Variants in LUM observed in about 807,000 individuals in gnomAD.
The protein encoded by LUM is KSPG lumican.
LUM carries 13 observed loss-of-function variants against 20.5 expected under a neutral mutation model. The ratio of observed to expected loss-of-function variants is 0.63; its 90% CI spans 0.41 to 1.01. LUM has a LOEUF of 1.01. LUM is among the 50% of genes least tolerant of loss of function. The pLI is 0.00. For synonymous variants in LUM, 173 were observed against 151.5 expected, an observed-to-expected ratio of 1.14 and a Z score of -1.04; for missense variants, 321 against 391.1, an observed-to-expected ratio of 0.82 and a Z score of 1.51.
At chr12:91,107,493 T>A (rs1880107909) in intron 2 of LUM, among the ~76,000 whole-genome samples, 1 of 152,008 alleles carries the variant, frequency 6.6e-6, no homozygotes, top group South Asian at 2.1e-4. Context: ...AAAAAATAAA[T>A]GTAGGACACA....
intron 2 of LUM, among the ~76,000 whole-genome samples, chr12:91,107,177 G>A (rs1336140617): frequency 4.3e-5 from 4 of 93,764 alleles, no homozygotes. Flanking sequence ...GAAAGAAAAC[G>A]AAAGAAAGAA....
chr12:91,104,379 C>A (rs1326185071), intron 2 of LUM, 60 bp from the exon 3 acceptor site: 2 of 1,182,142 alleles, frequency 1.7e-6, no homozygotes, highest in Non-Finnish European at 1.2e-6. Context: ...CAAAACAATA[C>A]AAAAAATTTA....
chr12:91,108,012 C>A lies in LUM; in HGVS notation c.862+106G>T. 7.6e-7 allele frequency: 1 copy of A among 1,322,584 alleles called. No individual in the cohort carries two copies. The allele number at this position is 1,322,584 out of a possible 1,614,324, so 81.9% of individuals were successfully genotyped here. ...ACAGGAATGAGCCACAGCGCCCGGGCGACATTTTGTTTTTTTAATGGAGCC... is the reference window on the plus strand; with the variant it reads ...ACAGGAATGAGCCACAGCGCCCGGGAGACATTTTGTTTTTTTAATGGAGCC... On this transcript the variant is annotated intron_variant, in intron 2 of 2. Coordinates refer to ENST00000266718, the MANE Select transcript of LUM (RefSeq NM_002345.4). The surrounding 1 kb of genome is among the most constrained non-coding windows in gnomAD (Gnocchi z 4.2).
rs1879970123 is a variant in LUM, at chr12:91,103,990, T to C, written c.*175A>G. The C allele has an allele frequency of 1.8e-6, 1 of 555,372 alleles. No homozygotes were observed. Among genetic ancestry groups the C allele is most frequent in the African/African-American group, 1.9e-5 (1 of 53,142 alleles). 34.4% of individuals were successfully genotyped at this position (555,372 alleles called of 1,614,324 possible). A position where few individuals can be genotyped will look rare whatever the true frequency, so the allele number is the denominator to read the frequency against. ...TCTATTCGTGTATATGTGTGTGTTC[T>C]TGTGATGAAATAGGCCTGCCTTTCA... On this transcript the variant is annotated 3_prime_UTR_variant, in exon 3 of 3. Coordinates refer to ENST00000266718, the MANE Select transcript of LUM (RefSeq NM_002345.4).
Position 91,104,285 on chromosome 12 carries a change from C to T in LUM, c.897G>A (p.Gly299=). The change falls in exon 3 of 3, where the codon GGG becomes GGA. Residue 299 remains glycine (G), a synonymous_variant. Coordinates refer to ENST00000266718, the MANE Select transcript of LUM (RefSeq NM_002345.4). ...FDIKSFCKIL[G]PLSYSKIKHL... Reference sequence around the variant, plus strand: ...GCTTGATCTTGGAGTAGGATAATGGCCCCAGGATCTTGCAGAAGCTCTTTA... The same window carrying T: ...GCTTGATCTTGGAGTAGGATAATGGTCCCAGGATCTTGCAGAAGCTCTTTA... 1 of 1,611,896 alleles carries T rather than the reference C, an allele frequency of 6.2e-7. No individual in the cohort carries two copies. Among genetic ancestry groups the T allele is most frequent in the East Asian group, 2.2e-5 (1 of 44,774 alleles).
In LUM at chr12:91,103,950, G is replaced by A. The variant is rs1046884399; in HGVS notation, c.*215C>T. 21 of 400,626 alleles carry A rather than the reference G, an allele frequency of 5.2e-5. No homozygotes were observed. The highest frequency in any genetic ancestry group is 4.2e-4 in the African/African-American group (20 of 48,076). 24.8% of individuals were successfully genotyped at this position (400,626 alleles called of 1,614,324 possible). A position where few individuals can be genotyped will look rare whatever the true frequency, so the allele number is the denominator to read the frequency against. Reference sequence around the variant, plus strand: ...AAAAAACACTAAATTTACAAATAAAGCATTGAGTTTGATGTCTATTCGTGT... The same window carrying A: ...AAAAAACACTAAATTTACAAATAAAACATTGAGTTTGATGTCTATTCGTGT... On this transcript the variant is annotated 3_prime_UTR_variant, in exon 3 of 3. Transcript: ENST00000266718.
chr12:91,107,287 G>GAA (rs1426004605), intron 2 of LUM, among the ~76,000 whole-genome samples: 1,799 of 60,270 alleles, frequency 0.03, 24 homozygotes, highest in African/African-American at 0.042. Flanking sequence ...AAGAAAGAAA[G>GAA]AGAAAGAAAG....
intron 2 of LUM, among the ~76,000 whole-genome samples, chr12:91,104,683 A>G (rs922833324): frequency 1.3e-5 from 2 of 152,312 alleles, no homozygotes; most frequent in South Asian, 2.1e-4. Flanking sequence ...CCATTGTTGT[A>G]TGAACAATCT....
chr12:91,111,251 A>C (rs1254061503), intron 1 of LUM, 147 bp downstream of exon 1: 6 of 152,356 alleles, frequency 3.9e-5, no homozygotes, highest in Middle Eastern at 3.4e-3. Context: ...ACATATTAAC[A>C]AAATGTGAAA....
chr12:91,109,058 A>T, intron 1 of LUM, 58 bp from the exon 2 acceptor site: 1 of 1,212,468 alleles, frequency 8.2e-7, no homozygotes, highest in Non-Finnish European at 1.2e-6. Context: ...AGAAAAAGAC[A>T]TTCAATTTGC....
At chr12:91,110,465 G>C (rs988196031) in intron 1 of LUM, among the ~76,000 whole-genome samples, 3 of 152,040 alleles carry the variant, frequency 2.0e-5, no homozygotes, top group African/African-American at 4.8e-5. Context: ...GATTTTAATG[G>C]GGGCATTTAA....
In LUM at chr12:91,108,859, AT is replaced by A. The variant is rs772958918; in HGVS notation, c.120del (p.Glu40AspfsTer17). 8.7e-6 allele frequency: 14 copies of A among 1,613,956 alleles called. No individual in the cohort carries two copies. The highest frequency in any genetic ancestry group is 1.7e-5 in the Admixed American group (1 of 59,986). On this transcript the variant is annotated frameshift_variant, in exon 2 of 3. Transcript: ENST00000266718. LOFTEE classifies it high-confidence loss of function. The surrounding 1 kb of genome is among the most constrained non-coding windows in gnomAD (Gnocchi z 4.2). Reference protein sequence around the residue: ...YGQSSPNCAPECNCPESYPSA... With the variant: ...YGQSSPNCAPXCNCPESYPSA... ...CTTGGGTAGCTTTCAGGGCAGTTACATTCTGGTGCACAGTTTGGTGATGATT... is the reference window on the plus strand; with the variant it reads ...CTTGGGTAGCTTTCAGGGCAGTTACATCTGGTGCACAGTTTGGTGATGATT...
At chr12:91,110,552 T>C (rs1880182019) in intron 1 of LUM, among the ~76,000 whole-genome samples, 1 of 152,180 alleles carries the variant, frequency 6.6e-6, no homozygotes, top group Admixed American at 6.5e-5. Context: ...CCAGAGTTAT[T>C]TTAAGTTATA....
At chr12:91,107,150 AAAAAG>A (rs1456921076) in intron 2 of LUM, among the ~76,000 whole-genome samples, 3 of 149,488 alleles carry the variant, frequency 2.0e-5, no homozygotes, top group Admixed American at 1.4e-4. Context: ...TGTCAAAAAA[AAAAAG>A]AAAGAAAGAA....
rs776597480 is a variant in LUM, at chr12:91,108,494, G to A, written c.486C>T (p.Thr162=). The A allele has an allele frequency of 6.2e-7, 1 of 1,613,992 alleles. No homozygotes were observed. Among genetic ancestry groups the A allele is most frequent in the Non-Finnish European group, 8.5e-7 (1 of 1,179,910 alleles). ...LGSFEGLVNL[T]FIHLQHNRLK... ...GCCGATTGTGCTGGAGATGGATGAA[G>A]GTCAGGTTTACCAATCCTTCAAAAG... is the stretch of plus-strand genomic sequence containing the variant. The change falls in exon 2 of 3, where the codon ACC becomes ACT. Residue 162 remains threonine, a synonymous_variant. Transcript: ENST00000266718. This position sits in a 1 kb window ranked among gnomAD's most constrained non-coding sequence, Gnocchi z 4.2.
intron 1 of LUM, among the ~76,000 whole-genome samples, chr12:91,110,679 A>G (rs1032770991): frequency 2.0e-5 from 3 of 152,192 alleles, no homozygotes; most frequent in Non-Finnish European, 1.5e-5. Flanking sequence ...AAATGCTTCC[A>G]TATTTTTTGG....
Position 91,103,880 on chromosome 12 carries a change from A to C in LUM, c.*285T>G. The C allele has an allele frequency of 4.0e-6, 1 of 249,880 alleles. No individual in the cohort carries two copies. The highest frequency in any genetic ancestry group is 7.7e-6 in the Non-Finnish European group (1 of 129,420). The allele number at this position is 249,880 out of a possible 1,614,324, so 15.5% of individuals were successfully genotyped here. A position where few individuals can be genotyped will look rare whatever the true frequency, so the allele number is the denominator to read the frequency against. ...GGATTATAAAACTTGGCTGATTTCC[A>C]TGCAACCAGTAAAAGGTTTTGCACA... On this transcript the variant is annotated 3_prime_UTR_variant, in exon 3 of 3. Transcript: ENST00000266718.
chr12:91,110,338 A>G (rs1335391470), intron 1 of LUM, among the ~76,000 whole-genome samples: 1 of 152,184 alleles, frequency 6.6e-6, no homozygotes, highest in East Asian at 1.9e-4. Context: ...TTTTAATTTG[A>G]AATTGTAAGG....
At position 91,103,596 on chromosome 12, in the gene LUM, G is replaced by A. The variant is rs975927473; in HGVS notation, c.*569C>T. The stretch of plus-strand genomic sequence containing the variant: ...GCTAGTAGCTTATTAAACATAACAT[G>A]CAAATAATCAAAGAGAAACATACAT... On this transcript the variant is annotated 3_prime_UTR_variant, in exon 3 of 3. Coordinates refer to ENST00000266718, the MANE Select transcript of LUM (RefSeq NM_002345.4). The A allele has an allele frequency of 3.3e-5, 5 of 152,034 alleles. No individual in the cohort carries two copies. Among genetic ancestry groups the A allele is most frequent in the African/African-American group, 1.2e-4 (5 of 41,432 alleles). 9.4% of individuals were successfully genotyped at this position (152,034 alleles called of 1,614,324 possible).
Sources: gnomAD v4.1 joint callset for allele counts (sites outside exome capture counted in the v4.1 genomes callset) on GRCh38, gnomAD v4.1.1 for gene constraint, Gnocchi (gnomAD v3.1) non-coding constraint, MANE v1.5 for transcripts, NCBI Gene and HGNC (gene_info 2026-07-23, HGNC 2026-07-21) for gene names.